The following ZNF423 variants were observed in gnomAD, a reference collection of about 807,000 sequenced individuals.
ZNF423 encodes zinc finger protein 423.
ZNF423 carries 12 observed loss-of-function variants against 95.8 expected under a neutral mutation model. The observed-to-expected ratio is 0.13, with a 90% confidence interval of 0.08 to 0.20. The LOEUF (loss-of-function observed/expected upper bound fraction) is 0.20. ZNF423 is among the 10% of genes least tolerant of loss of function. The pLI, the probability that ZNF423 is intolerant of heterozygous loss-of-function variation, is 1.00. For synonymous variants in ZNF423, 749 were observed against 711.9 expected (o/e 1.05, Z -0.83); for missense variants, 1,316 against 1,737.1 (o/e 0.76, Z 4.31).
intron 1 of ZNF423, among the ~76,000 whole-genome samples, chr16:49,851,865 G>C (rs2035305774): frequency 6.6e-6 from 1 of 152,120 alleles, no homozygotes; most frequent in Non-Finnish European, 1.5e-5. Flanking sequence ...CCCTACCAAA[G>C]CTGGGAATCG....
intron 3 of ZNF423, among the ~76,000 whole-genome samples, chr16:49,666,251 G>A (rs2030539419): frequency 6.6e-6 from 1 of 152,192 alleles, no homozygotes; most frequent in African/African-American, 2.4e-5. Context: ...AACCCGCAGA[G>A]GAGGTAACTG....
At chr16:49,858,951 T>C (rs2035402445), upstream of ZNF423, among the ~76,000 whole-genome samples, 1 of 152,104 alleles carries the variant, frequency 6.6e-6, no homozygotes. This position sits in a 1 kb window ranked among gnomAD's most constrained non-coding sequence, Gnocchi z 4.3. Flanking sequence ...GCCTCGGCTC[T>C]GGGGTGCCCC....
intron 5 of ZNF423, among the ~76,000 whole-genome samples, chr16:49,595,190 A>T (rs565794243): frequency 1.3e-5 from 2 of 152,114 alleles, no homozygotes; most frequent in Non-Finnish European, 2.9e-5. Context: ...TTCCTCCCCA[A>T]TGAGGACAGT....
At chr16:49,546,961 T>C (rs554798187) in intron 5 of ZNF423, among the ~76,000 whole-genome samples, 1 of 151,746 alleles carries the variant, frequency 6.6e-6, no homozygotes, top group East Asian at 1.9e-4. Context: ...GCCTCAGTTT[T>C]CTCACTGTCC....
At chr16:49,724,411 C>T (rs1269078286) in intron 3 of ZNF423, among the ~76,000 whole-genome samples, 2 of 108,682 alleles carry the variant, frequency 1.8e-5, no homozygotes, top group Admixed American at 1.1e-4. Flanking sequence ...ACCAAGGCCC[C>T]GAGTGCATTC....
At chr16:49,697,767 A>G (rs2151951882) in intron 3 of ZNF423, among the ~76,000 whole-genome samples, 1 of 152,368 alleles carries the variant, frequency 6.6e-6, no homozygotes, top group Non-Finnish European at 1.5e-5. Flanking sequence ...CAGCGTGTGC[A>G]CGTTGTCAGT....
intron 7 of ZNF423, among the ~76,000 whole-genome samples, chr16:49,499,712 G>A (rs867828130): frequency 6.6e-6 from 1 of 152,104 alleles, no homozygotes; most frequent in Non-Finnish European, 1.5e-5. Flanking sequence ...TCAACAATCA[G>A]TTCCATGAGC....
At chr16:49,821,260 C>T (rs1455953518) in intron 1 of ZNF423, among the ~76,000 whole-genome samples, 1 of 63,038 alleles carries the variant, frequency 1.6e-5, no homozygotes, top group Non-Finnish European at 3.1e-5. Context: ...GGTGGTGGGG[C>T]GGGGGCAGGG....
At chr16:49,619,182 C>T (rs1032776121) in intron 5 of ZNF423, among the ~76,000 whole-genome samples, 18 of 152,122 alleles carry the variant, frequency 1.2e-4, no homozygotes, top group Admixed American at 3.3e-4. Flanking sequence ...ACATGCCTGT[C>T]CTCTGAGCTC....
At chr16:49,538,045 G>T (rs1168257288) in intron 5 of ZNF423, among the ~76,000 whole-genome samples, 1 of 152,212 alleles carries the variant, frequency 6.6e-6, no homozygotes, top group African/African-American at 2.4e-5. Context: ...GCAGCCTAAG[G>T]TCTGGGCTGA....
intron 2 of ZNF423, among the ~76,000 whole-genome samples, chr16:49,740,775 G>A (rs887796619): frequency 1.3e-5 from 2 of 152,178 alleles, no homozygotes; most frequent in African/African-American, 2.4e-5. Flanking sequence ...ATGAGGGACT[G>A]ATACAGGACA....
intron 2 of ZNF423, among the ~76,000 whole-genome samples, chr16:49,752,961 C>T (rs1195107925): frequency 2.0e-5 from 3 of 152,154 alleles, no homozygotes; most frequent in Non-Finnish European, 4.4e-5. Context: ...ATCAGAAAAT[C>T]GACCAGGCAC....
At chr16:49,526,165 A>T (rs924964709) in intron 5 of ZNF423, among the ~76,000 whole-genome samples, 25 of 152,196 alleles carry the variant, frequency 1.6e-4, no homozygotes, top group African/African-American at 6.0e-4. Flanking sequence ...GAGGTCAGAG[A>T]GGCCACAGGG....
chr16:49,830,796 C>T (rs1475308630), intron 1 of ZNF423, among the ~76,000 whole-genome samples: 1 of 152,142 alleles, frequency 6.6e-6, no homozygotes, highest in Non-Finnish European at 1.5e-5. Context: ...CAGTACTGAG[C>T]TGCTCAGCTA....
chr16:49,650,511 G>A (rs910340698), intron 3 of ZNF423, among the ~76,000 whole-genome samples: 4 of 152,190 alleles, frequency 2.6e-5, no homozygotes, highest in Non-Finnish European at 5.9e-5. Context: ...TTAACATTTT[G>A]CGCAGCACCT....
At chr16:49,755,210 G>T (rs1812029109) in intron 2 of ZNF423, among the ~76,000 whole-genome samples, 1 of 152,190 alleles carries the variant, frequency 6.6e-6, no homozygotes, top group African/African-American at 2.4e-5. Flanking sequence ...GGAGCCCCCA[G>T]GATTTCTGGG....
At chr16:49,680,390 G>T (rs1342354367) in intron 3 of ZNF423, among the ~76,000 whole-genome samples, 2 of 152,242 alleles carry the variant, frequency 1.3e-5, no homozygotes, top group Admixed American at 1.3e-4. Flanking sequence ...ACAAGAACTT[G>T]GTACGTGCTG....
intron 2 of ZNF423, among the ~76,000 whole-genome samples, chr16:49,776,287 T>A (rs762699263): frequency 2.6e-5 from 4 of 152,192 alleles, no homozygotes; most frequent in Non-Finnish European, 5.9e-5. Flanking sequence ...CAGGAGCGGC[T>A]ACTCTGGCCT....
intron 1 of ZNF423, among the ~76,000 whole-genome samples, chr16:49,812,316 G>A (rs1597031963): frequency 6.6e-6 from 1 of 152,220 alleles, no homozygotes; most frequent in South Asian, 2.1e-4. Context: ...CATCTACCTG[G>A]TTGTTTTCTA....
Sources: gnomAD v4.1 joint callset for allele counts (sites outside exome capture counted in the v4.1 genomes callset) on GRCh38, gnomAD v4.1.1 for gene constraint, Gnocchi (gnomAD v3.1) non-coding constraint, MANE v1.5 for transcripts, NCBI Gene and HGNC (gene_info 2026-07-23, HGNC 2026-07-21) for gene names.